Variants in LSAMP observed in about 807,000 individuals in gnomAD.
LSAMP encodes the protein limbic system associated membrane protein.
A neutral mutation model predicts 38.6 loss-of-function variants in LSAMP; 7 were observed. The ratio of observed to expected loss-of-function variants is 0.18; its 90% CI spans 0.10 to 0.34. The LOEUF is 0.34. LSAMP is among the 10% of genes least tolerant of loss of function. The pLI, the probability that LSAMP is intolerant of heterozygous loss-of-function variation, is 1.00. For missense variants in LSAMP, 313 were observed against 420.0 expected, an observed-to-expected ratio of 0.75 and a Z score of 2.23; for synonymous variants, 154 against 166.8, an observed-to-expected ratio of 0.92 and a Z score of 0.59.
intron 1 of LSAMP, among the ~76,000 whole-genome samples, chr3:116,252,595 C>T (rs9830749): frequency 0.78 from 117,414 of 151,172 alleles, 45,881 homozygotes; most frequent in Non-Finnish European, 0.84. Flanking sequence ...TCTAGAGGCT[C>T]TTGTAATCTT....
At chr3:116,373,305 G>T (rs1367317691) in intron 1 of LSAMP, among the ~76,000 whole-genome samples, 1 of 151,376 alleles carries the variant, frequency 6.6e-6, no homozygotes, top group East Asian at 1.9e-4. Context: ...GTACAACATG[G>T]ATGAAACTTG....
At chr3:116,219,857 T>G (rs2046261357) in intron 1 of LSAMP, among the ~76,000 whole-genome samples, 1 of 152,128 alleles carries the variant, frequency 6.6e-6, no homozygotes, top group Non-Finnish European at 1.5e-5. Flanking sequence ...TATATAATCT[T>G]TAATTACCAG....
chr3:116,082,524 A>G (rs966959090), intron 2 of LSAMP, among the ~76,000 whole-genome samples: 1 of 152,218 alleles, frequency 6.6e-6, no homozygotes, highest in Non-Finnish European at 1.5e-5. Flanking sequence ...ACTTTGCTTC[A>G]GCCTATACAA....
rs993813192 is a variant in LSAMP at position 115,883,575 on chromosome 3, C to T, written c.515-30958G>A. Reference sequence around the variant, plus strand: ...GAGCTGACAGTGTATATAATGTAGGCAGTGTATATAGATGGTAGATGCATG... The same window carrying T: ...GAGCTGACAGTGTATATAATGTAGGTAGTGTATATAGATGGTAGATGCATG... On this transcript the variant is annotated intron_variant, in intron 3 of 6. Transcript: ENST00000490035. Among the ~76,000 whole-genome samples, 5 of 152,152 alleles carry T rather than the reference C, an allele frequency of 3.3e-5. No homozygotes were observed. In the East Asian group the frequency reaches 7.7e-4, roughly 24 times the overall value.
intron 2 of LSAMP, 124 bp downstream of exon 2, chr3:116,086,200 C>T: frequency 1.2e-6 from 1 of 818,532 alleles, no homozygotes; most frequent in East Asian, 2.7e-5. Flanking sequence ...AAAATCGATA[C>T]TTAAGTCCAA....
chr3:116,410,190 GATTCTTGGC>G (rs2048953099), intron 1 of LSAMP, among the ~76,000 whole-genome samples: 1 of 152,006 alleles, frequency 6.6e-6, no homozygotes, highest in Non-Finnish European at 1.5e-5. Context: ...TAAGTGATAA[GATTCTTGGC>G]ACTCTTCATA....
chr3:116,290,603 G>A (rs1026623472), intron 1 of LSAMP, among the ~76,000 whole-genome samples: 3 of 151,728 alleles, frequency 2.0e-5, no homozygotes, highest in Non-Finnish European at 4.4e-5. Context: ...GGTGGCGTGT[G>A]CCTGTAATCC....
At chr3:115,928,995 G>GC (rs1937535503) in intron 3 of LSAMP, among the ~76,000 whole-genome samples, 1 of 50,458 alleles carries the variant, frequency 2.0e-5, no homozygotes, top group Admixed American at 2.2e-4. Flanking sequence ...TTTTTTGCTT[G>GC]TTTTATGGGG....
At chr3:116,063,866 T>C (rs1337733036) in intron 2 of LSAMP, among the ~76,000 whole-genome samples, 1 of 152,250 alleles carries the variant, frequency 6.6e-6, no homozygotes, top group African/African-American at 2.4e-5. Context: ...AAATCTATTA[T>C]GTTGCGTCTA....
chr3:116,185,030 C>CTTTTTTTTTTTTT (rs368314567), intron 1 of LSAMP, among the ~76,000 whole-genome samples: 26 of 117,726 alleles, frequency 2.2e-4, no homozygotes, highest in Non-Finnish European at 3.4e-4. Flanking sequence ...TTCTTTCTTT[C>CTTTTTTTTTTTTT]TTTTTTTTTT....
chr3:116,002,220 A>T (rs762872640), intron 3 of LSAMP, among the ~76,000 whole-genome samples: 3 of 152,084 alleles, frequency 2.0e-5, no homozygotes, highest in Non-Finnish European at 4.4e-5. Flanking sequence ...TGCCCACTCC[A>T]CTGTGTGTGG....
intron 1 of LSAMP, among the ~76,000 whole-genome samples, chr3:116,113,170 A>C (rs2107473847): frequency 6.6e-6 from 1 of 152,116 alleles, no homozygotes; most frequent in East Asian, 1.9e-4. Context: ...ATAAAAAGAG[A>C]TGATAAGAAA....
chr3:116,163,759 C>G (rs1184966857), intron 1 of LSAMP, among the ~76,000 whole-genome samples: 2 of 152,040 alleles, frequency 1.3e-5, no homozygotes, highest in African/African-American at 4.8e-5. Flanking sequence ...AATATTGATA[C>G]AAGTTCTTAG....
Position 116,090,652 on chromosome 3 carries a change from TAAAAG to T in LSAMP, c.156-4101_156-4097del, listed in dbSNP as rs1708101694. The stretch of plus-strand genomic sequence containing the variant: ...CCTAAGCGTCGGCTGGCTTGAGAAA[TAAAAG>T]GACAGAGTACAAAAGAGAGAAATTT... On this transcript the variant is annotated intron_variant, in intron 1 of 6. Transcript: ENST00000490035. 3.9e-5 allele frequency among the ~76,000 whole-genome samples: 6 copies of T among 151,962 alleles called. No individual in the cohort carries two copies. The South Asian group carries it at 1.2e-3, about 32-fold the overall frequency.
chr3:116,314,095 A>C (rs2047597551), intron 1 of LSAMP, among the ~76,000 whole-genome samples: 1 of 152,254 alleles, frequency 6.6e-6, no homozygotes, highest in African/African-American at 2.4e-5. Flanking sequence ...AGAGAAGTTA[A>C]GATAATTGCT....
At chr3:115,930,272 C>A (rs1937560951) in intron 3 of LSAMP, among the ~76,000 whole-genome samples, 1 of 151,922 alleles carries the variant, frequency 6.6e-6, no homozygotes, top group Admixed American at 6.6e-5. Context: ...AACTTTTTAA[C>A]CTGTAGATCC....
chr3:116,339,925 A>G (rs911340073), intron 1 of LSAMP, among the ~76,000 whole-genome samples: 2 of 152,100 alleles, frequency 1.3e-5, no homozygotes, highest in Non-Finnish European at 2.9e-5. Context: ...TCCAGATATC[A>G]TGAAGCAGAA....
At chr3:115,828,161 A>G (rs1360412254) in intron 6 of LSAMP, among the ~76,000 whole-genome samples, 1 of 152,170 alleles carries the variant, frequency 6.6e-6, no homozygotes, top group African/African-American at 2.4e-5. Context: ...TTTGTCTGAA[A>G]GATGTCAAAG....
At chr3:116,217,301 A>G (rs2046231792) in intron 1 of LSAMP, among the ~76,000 whole-genome samples, 1 of 152,222 alleles carries the variant, frequency 6.6e-6, no homozygotes, top group South Asian at 2.1e-4. Flanking sequence ...CTAACCATCC[A>G]CAAACTAAAG....
Sources: allele counts gnomAD v4.1 joint callset (sites outside exome capture counted in the v4.1 genomes callset), GRCh38; gene constraint gnomAD v4.1.1; transcripts MANE v1.5; gene names NCBI Gene and HGNC (gene_info 2026-07-23, HGNC 2026-07-21).